The following HECW1 variants were observed in gnomAD, a reference collection of about 807,000 sequenced individuals.
HECW1 encodes E3 ubiquitin-protein ligase HECW1.
Under a neutral mutation model 182.3 loss-of-function variants are expected in HECW1, and 61 were observed. That is an observed-to-expected ratio of 0.33 (90% CI 0.27 to 0.41). The LOEUF (loss-of-function observed/expected upper bound fraction) is 0.41, where lower values mean the gene tolerates loss of function less well. Among genes scored for constraint, HECW1 ranks in the 10% least tolerant of loss-of-function variants. HECW1 has a pLI of 1.00. For synonymous variants in HECW1, 859 were observed against 832.6 expected (o/e 1.03, Z -0.55); for missense variants, 1,739 against 2,108.9 (o/e 0.82, Z 3.44).
intron 3 of HECW1, among the ~76,000 whole-genome samples, chr7:43,302,893 TTC>T (rs1807019962): frequency 6.6e-6 from 1 of 152,152 alleles, no homozygotes; most frequent in African/African-American, 2.4e-5. Flanking sequence ...TTCCCATTCA[TTC>T]TGTCTCTGTG....
chr7:43,433,778 G>C (rs977379409), intron 8 of HECW1, among the ~76,000 whole-genome samples: 6 of 152,318 alleles, frequency 3.9e-5, no homozygotes, highest in African/African-American at 1.4e-4. Context: ...GTAGACTTTT[G>C]TTTAGGACAG....
intron 5 of HECW1, among the ~76,000 whole-genome samples, chr7:43,353,473 C>G (rs186105186): frequency 1.2e-4 from 18 of 152,042 alleles, no homozygotes; most frequent in Admixed American, 3.9e-4. Context: ...TTCACTTCCC[C>G]CCACAGAAAA....
chr7:43,493,903 T>C (rs750882896), intron 19 of HECW1, among the ~76,000 whole-genome samples: 2 of 152,086 alleles, frequency 1.3e-5, no homozygotes, highest in Non-Finnish European at 2.9e-5. Context: ...GTCTCCCAAA[T>C]GGGGGTCACA....
In HECW1 at chr7:43,266,399, G is replaced by A. The variant is rs556220715; in HGVS notation, c.27+22467G>A. 2.0e-4 allele frequency among the ~76,000 whole-genome samples: 30 copies of A among 152,254 alleles called. No homozygotes were observed. The South Asian group carries it at 4.4e-3, about 22-fold the overall frequency. ...CACTCAGGCTGGAGTGCAGTGGTGC[G>A]ATCTTGGCTCACTGCGTCCTCCGCC... On this transcript the variant is annotated intron_variant, in intron 3 of 29. Coordinates refer to ENST00000395891, the MANE Select transcript of HECW1 (RefSeq NM_015052.5).
chr7:43,363,138 G>A (rs1339480621), intron 6 of HECW1, among the ~76,000 whole-genome samples: 1 of 152,184 alleles, frequency 6.6e-6, no homozygotes, highest in Non-Finnish European at 1.5e-5. Flanking sequence ...TCACAGTGTT[G>A]TGCAATGTAG....
At position 43,445,253 on chromosome 7, in the gene HECW1, G is replaced by A. The variant is rs767129402; in HGVS notation, c.2081G>A (p.Ser694Asn). Residue 694 changes from serine to asparagine, a missense_variant, in exon 11 of 30, where the codon AGC (serine) becomes AAC (asparagine). Transcript: ENST00000395891. ...TCGTGCTACAGCACGTCCTGCTACAGCAGCTCGTGCTACAGCGCCTCGTGC... is the reference window on the plus strand; with the variant it reads ...TCGTGCTACAGCACGTCCTGCTACAACAGCTCGTGCTACAGCGCCTCGTGC... ...SSSCYSTSCY[S>N]SSCYSASCYS... The A allele has an allele frequency of 1.5e-5, 24 of 1,612,298 alleles. No individual in the cohort carries two copies. Among genetic ancestry groups the A allele is most frequent in the African/African-American group, 2.7e-5 (2 of 74,908 alleles).
intron 2 of HECW1, among the ~76,000 whole-genome samples, chr7:43,195,473 C>T (rs559699917): frequency 2.0e-5 from 3 of 152,100 alleles, no homozygotes; most frequent in Non-Finnish European, 4.4e-5. Flanking sequence ...GTAACTTGAA[C>T]GACCAGTAGC....
At chr7:43,407,828 C>T (rs2075662476) in intron 8 of HECW1, 97 bp downstream of exon 8, 1 of 1,070,038 alleles carries the variant, frequency 9.3e-7, no homozygotes. Flanking sequence ...GAGCCCTGGA[C>T]TCTGCTGCTC....
intron 2 of HECW1, among the ~76,000 whole-genome samples, chr7:43,235,201 T>C (rs1798215961): frequency 1.3e-5 from 2 of 150,086 alleles, no homozygotes; most frequent in African/African-American, 2.5e-5. Context: ...AGAAGTGGAG[T>C]TCCCCGGCCC....
At chr7:43,416,244 A>G (rs928016712) in intron 8 of HECW1, among the ~76,000 whole-genome samples, 2 of 150,530 alleles carry the variant, frequency 1.3e-5, no homozygotes, top group Non-Finnish European at 1.5e-5. Context: ...TTTTCCTTCT[A>G]ACAGACAGCA....
chr7:43,517,391 T>C (rs1162498342), intron 24 of HECW1, among the ~76,000 whole-genome samples: 1 of 134,056 alleles, frequency 7.5e-6, no homozygotes, highest in Non-Finnish European at 1.6e-5. Context: ...AGATACTACC[T>C]GGGTGGTAAA....
At chr7:43,304,695 T>C (rs1807322894) in intron 3 of HECW1, among the ~76,000 whole-genome samples, 1 of 152,146 alleles carries the variant, frequency 6.6e-6, no homozygotes, top group Non-Finnish European at 1.5e-5. Context: ...GGTTTCACCA[T>C]GTTAGCCAGG....
At chr7:43,533,933 G>C (rs1415323780) in intron 24 of HECW1, among the ~76,000 whole-genome samples, 2 of 152,130 alleles carry the variant, frequency 1.3e-5, no homozygotes, top group African/African-American at 4.8e-5. Flanking sequence ...TGAGTAGCCT[G>C]ATCTGTTGGG....
chr7:43,516,508 C>G (rs1248705366), intron 24 of HECW1, among the ~76,000 whole-genome samples: 1 of 152,222 alleles, frequency 6.6e-6, no homozygotes, highest in Non-Finnish European at 1.5e-5. Context: ...CAACTATTCT[C>G]TCTGAAATCA....
rs185387408 is a variant in HECW1, at chr7:43,168,216, A to G, written c.-32+53825A>G. On this transcript the variant is annotated intron_variant, in intron 2 of 29. Coordinates refer to ENST00000395891, the MANE Select transcript of HECW1 (RefSeq NM_015052.5). Reference sequence around the variant, plus strand: ...AGATCATGTTTATGAGTGTTGAATCATGGGATGCTATCTTAATTCAGACCA... The same window carrying G: ...AGATCATGTTTATGAGTGTTGAATCGTGGGATGCTATCTTAATTCAGACCA... Among the ~76,000 whole-genome samples the G allele has an allele frequency of 2.0e-5, 3 of 152,282 alleles. No homozygotes were observed. In the East Asian group the frequency reaches 5.8e-4, roughly 29 times the overall value.
intron 2 of HECW1, among the ~76,000 whole-genome samples, chr7:43,183,636 A>T (rs2152678156): frequency 6.6e-6 from 1 of 152,270 alleles, no homozygotes; most frequent in African/African-American, 2.4e-5. Flanking sequence ...AAGTCAATTG[A>T]TTTTCATACA....
Position 43,335,540 on chromosome 7 carries a change from T to C in HECW1, c.460+14798T>C, listed in dbSNP as rs369264225. Reference sequence around the variant, plus strand: ...AGCAGAAACCTGATCCACCAGCACCTTGACATTGAACTTTCCAGCCTTCAG... The same window carrying C: ...AGCAGAAACCTGATCCACCAGCACCCTGACATTGAACTTTCCAGCCTTCAG... On this transcript the variant is annotated intron_variant, in intron 5 of 29. Coordinates refer to ENST00000395891, the MANE Select transcript of HECW1 (RefSeq NM_015052.5). Among the ~76,000 whole-genome samples, 158 of 152,320 alleles carry C rather than the reference T, an allele frequency of 1.0e-3. 6 individuals are homozygous for C. The South Asian group carries it at 0.032, about 31-fold the overall frequency.
At chr7:43,251,793 C>G (rs550156297) in intron 3 of HECW1, among the ~76,000 whole-genome samples, 5 of 152,322 alleles carry the variant, frequency 3.3e-5, no homozygotes. Context: ...TCTTTCTTCC[C>G]CAAATGGAAT....
intron 5 of HECW1, among the ~76,000 whole-genome samples, chr7:43,326,322 G>A (rs1810779030): frequency 6.6e-6 from 1 of 152,232 alleles, no homozygotes. Flanking sequence ...ACCTCACACA[G>A]GTAGGGGCTG....
Sources: allele counts gnomAD v4.1 joint callset (sites outside exome capture counted in the v4.1 genomes callset), GRCh38; gene constraint gnomAD v4.1.1; transcripts MANE v1.5; gene names NCBI Gene and HGNC (gene_info 2026-07-23, HGNC 2026-07-21).